CEACAM4: variants seen among roughly 807,000 people sequenced by gnomAD.
The protein encoded by CEACAM4 is cell adhesion molecule CEACAM4.
Under a neutral mutation model 28.7 loss-of-function variants are expected in CEACAM4, and 30 were observed. The ratio of observed to expected loss-of-function variants is 1.05; its 90% confidence interval spans 0.78 to 1.42. The LOEUF (loss-of-function observed/expected upper bound fraction) is 1.42, where lower values mean the gene tolerates loss of function less well. CEACAM4 is among the 40% of genes most tolerant of loss of function. The pLI is 0.00. For missense variants in CEACAM4, 330 were observed against 308.2 expected (o/e 1.07, Z -0.53); for synonymous variants, 143 against 126.5 (o/e 1.13, Z -0.87).
At position 41,625,899 on chromosome 19, in the gene CEACAM4, C is replaced by A. The variant is rs1041992; in HGVS notation, c.126G>T (p.Pro42=). 27 of 1,613,408 alleles carry A rather than the reference C, an allele frequency of 1.7e-5. No individual in the cohort carries two copies. In the African/African-American group the frequency reaches 2.3e-4, roughly 14 times the overall value. Residue 42 remains proline, a synonymous_variant, in exon 2 of 7, where the codon CCG becomes CCT. Transcript: ENST00000221954. ...CATCCTTTCCCTCTGCAGCACTGGACGGCAGGGCTTCAATAGTGAACTGGA... is the reference window on the plus strand; with the variant it reads ...CATCCTTTCCCTCTGCAGCACTGGAAGGCAGGGCTTCAATAGTGAACTGGA... ...TTVQFTIEAL[P]SSAAEGKDVL... is the part of the protein sequence containing the mutation.
At chr19:41,624,778 G>C (rs565147219) in intron 2 of CEACAM4, among the ~76,000 whole-genome samples, 4 of 152,188 alleles carry the variant, frequency 2.6e-5, no homozygotes, top group Admixed American at 2.6e-4. Context: ...ATGGTCTGAG[G>C]CTTGCCACTT....
chr19:41,622,635 T>A (rs2071361284), intron 2 of CEACAM4, among the ~76,000 whole-genome samples: 2 of 152,184 alleles, frequency 1.3e-5, no homozygotes, highest in Admixed American at 1.3e-4. Context: ...GTCACAGAAC[T>A]CGTACATGAT....
intron 2 of CEACAM4, among the ~76,000 whole-genome samples, chr19:41,624,711 C>A (rs782151022): frequency 1.3e-5 from 2 of 152,158 alleles, no homozygotes; most frequent in African/African-American, 4.8e-5. Flanking sequence ...CCACCGTGGC[C>A]GGTGTCTGTA....
At chr19:41,619,786 C>T in intron 5 of CEACAM4, 75 bp from the exon 6 acceptor site, 1 of 1,273,290 alleles carries the variant, frequency 7.9e-7, no homozygotes, top group Non-Finnish European at 1.1e-6. Flanking sequence ...AGGTTCCTGT[C>T]TCTGATCGGC....
At chr19:41,616,753 A>G (rs1259606212), downstream of CEACAM4, among the ~76,000 whole-genome samples, 1 of 152,138 alleles carries the variant, frequency 6.6e-6, no homozygotes, top group Non-Finnish European at 1.5e-5. Flanking sequence ...CGGATGCTCC[A>G]GGCTGAGTGA....
the CEACAM4 span, among the ~76,000 whole-genome samples, chr19:41,613,496 GACACACACACAC>G: frequency 6.7e-6 from 1 of 149,314 alleles, no homozygotes; most frequent in Non-Finnish European, 1.5e-5. Context: ...CTGTCTGGAG[GACACACACACAC>G]ACACACACAC....
downstream of CEACAM4, among the ~76,000 whole-genome samples, chr19:41,617,202 T>C (rs2070996461): frequency 6.6e-6 from 1 of 152,142 alleles, no homozygotes; most frequent in Non-Finnish European, 1.5e-5. Context: ...TGAGTTGTGA[T>C]CTTTCAGTCA....
chr19:41,620,366 C>G (rs890572368), intron 4 of CEACAM4, 124 bp from the exon 5 acceptor site: 9 of 975,876 alleles, frequency 9.2e-6, no homozygotes, highest in Non-Finnish European at 1.3e-5. Flanking sequence ...CAGGGGAGAC[C>G]TGAGCAGCTG....
downstream of CEACAM4, among the ~76,000 whole-genome samples, chr19:41,618,806 G>A (rs542715637): frequency 3.3e-5 from 5 of 152,234 alleles, no homozygotes; most frequent in South Asian, 2.1e-4. Flanking sequence ...CTGAGCGCTC[G>A]GCTGGCTGGG....
chr19:41,624,405 A>T (rs1208930882), intron 2 of CEACAM4, among the ~76,000 whole-genome samples: 1 of 152,170 alleles, frequency 6.6e-6, no homozygotes, highest in Non-Finnish European at 1.5e-5. Flanking sequence ...ACACGAAACC[A>T]TTTCATGTCC....
chr19:41,616,624 G>C (rs782595102), downstream of CEACAM4, among the ~76,000 whole-genome samples: 25 of 152,046 alleles, frequency 1.6e-4, no homozygotes, highest in African/African-American at 5.3e-4. Context: ...GATGGCAAAG[G>C]CCTCTGACAC....
rs375597956 is a variant in CEACAM4 at position 41,621,730 on chromosome 19, C to T, written c.463G>A (p.Gly155Ser). ...CCAACCAGGACCCCAGTCACGATGC[C>T]AGCGACGGCCCCCACAGGAAGGCCT... ...VPGLPVGAVAGIVTGVLVGVA... is the reference protein window; with the variant it reads ...VPGLPVGAVASIVTGVLVGVA... The change falls in exon 3 of 7, where the codon GGC becomes AGC. Residue 155 changes from glycine to serine, a missense_variant. By Grantham distance (56) the Gly-to-Ser change is moderately conservative. Transcript: ENST00000221954. The T allele has an allele frequency of 4.3e-6, 7 of 1,612,954 alleles. No individual in the cohort carries two copies. The highest frequency in any genetic ancestry group is 2.2e-5 in the East Asian group (1 of 44,886).
chr19:41,620,075 C>T (rs9967607), intron 5 of CEACAM4, 136 bp downstream of exon 5: 204,456 of 794,142 alleles, frequency 0.26, 28,619 homozygotes, highest in Non-Finnish European at 0.29. Flanking sequence ...GGATCCTGGC[C>T]GGAGGCACTC....
the CEACAM4 span, among the ~76,000 whole-genome samples, chr19:41,613,860 A>G: frequency 6.6e-6 from 1 of 152,220 alleles, no homozygotes; most frequent in Non-Finnish European, 1.5e-5. Flanking sequence ...ACTATTTCAA[A>G]GGTGACTGAG....
intron 2 of CEACAM4, among the ~76,000 whole-genome samples, chr19:41,623,912 T>G (rs974169497): frequency 1.3e-5 from 2 of 152,134 alleles, no homozygotes; most frequent in Non-Finnish European, 2.9e-5. Flanking sequence ...CGTGTGGGAC[T>G]ACCCGCAAGC....
At chr19:41,625,379 G>GCT (rs1555803366) in intron 2 of CEACAM4, among the ~76,000 whole-genome samples, 1 of 151,932 alleles carries the variant, frequency 6.6e-6, no homozygotes, top group Non-Finnish European at 1.5e-5. Flanking sequence ...CCCTGCTGAG[G>GCT]CCCCCCCGCC....
Position 41,619,703 on chromosome 19 carries a change from T to C in CEACAM4, c.636A>G (p.Leu212=), listed in dbSNP as rs1600345088. The C allele has an allele frequency of 6.3e-7, 1 of 1,583,136 alleles. No homozygotes were observed. The change falls in exon 6 of 7, where the codon CTA becomes CTG. Residue 212 remains leucine (L), a synonymous_variant. Coordinates refer to ENST00000221954, the MANE Select transcript of CEACAM4 (RefSeq NM_001817.4). ...TGGGAGTGGCTGTTCTGGGGCTGGGTAGAGGGGCCTGGGCAGGGGAGAGAG... is the reference window on the plus strand; with the variant it reads ...TGGGAGTGGCTGTTCTGGGGCTGGGCAGAGGGGCCTGGGCAGGGGAGAGAG... The part of the protein sequence containing the change: ...PSHRSTFSAP[L]PSPRTATPIY...
At chr19:41,621,508 G>C in intron 3 of CEACAM4, 143 bp downstream of exon 3, 1 of 562,974 alleles carries the variant, frequency 1.8e-6, no homozygotes, top group Non-Finnish European at 3.3e-6. Context: ...TCAGCAGCTG[G>C]CAAGGGAGGA....
At chr19:41,620,297 C>A in intron 4 of CEACAM4, 55 bp from the exon 5 acceptor site, 3 of 1,398,508 alleles carry the variant, frequency 2.1e-6, no homozygotes, top group Non-Finnish European at 2.8e-6. Flanking sequence ...TGGGCCCCTC[C>A]TGCAGGAGAG....
Sources: allele counts gnomAD v4.1 joint callset (sites outside exome capture counted in the v4.1 genomes callset), GRCh38; gene constraint gnomAD v4.1.1; transcripts MANE v1.5; gene names NCBI Gene and HGNC (gene_info 2026-07-23, HGNC 2026-07-21).